Variants in SNX29 observed in about 807,000 individuals in gnomAD.
The protein encoded by SNX29 is sorting nexin 29, also known as sorting nexin-29.
In SNX29, 78 loss-of-function variants were observed where a neutral mutation model predicts 102.1. The ratio of observed to expected loss-of-function variants is 0.76; its 90% confidence interval spans 0.64 to 0.92. The LOEUF (loss-of-function observed/expected upper bound fraction) is 0.92. SNX29 is among the 40% of genes least tolerant of loss of function. The pLI is 0.00. For synonymous variants in SNX29, 580 were observed against 414.5 expected (o/e 1.40, Z -4.85); for missense variants, 1,280 against 1,061.7 (o/e 1.21, Z -2.86).
chr16:12,065,258 C>T (rs1194777906), intron 9 of SNX29, among the ~76,000 whole-genome samples: 3 of 152,150 alleles, frequency 2.0e-5, no homozygotes, highest in African/African-American at 7.2e-5. Context: ...TGCGTGGTTC[C>T]TCTGGGAGTA....
At chr16:12,349,838 C>A (rs1038568087) in intron 15 of SNX29, among the ~76,000 whole-genome samples, 2 of 152,076 alleles carry the variant, frequency 1.3e-5, no homozygotes, top group Non-Finnish European at 2.9e-5. Flanking sequence ...TTGCTTCAGA[C>A]ACAGCACTTA....
At chr16:12,126,274 C>T (rs1455744504) in intron 11 of SNX29, among the ~76,000 whole-genome samples, 2 of 152,322 alleles carry the variant, frequency 1.3e-5, no homozygotes, top group East Asian at 1.9e-4. Flanking sequence ...GTGCTGGGCA[C>T]CATTCCTAAG....
chr16:12,389,623 C>G (rs1044785697), intron 16 of SNX29, among the ~76,000 whole-genome samples: 3 of 152,092 alleles, frequency 2.0e-5, no homozygotes, highest in Non-Finnish European at 2.9e-5. Context: ...CATTTGTTCC[C>G]TGTTTTCTAA....
chr16:12,561,684 C>A (rs1434683154), intron 20 of SNX29, among the ~76,000 whole-genome samples: 2 of 152,206 alleles, frequency 1.3e-5, no homozygotes, highest in South Asian at 4.1e-4. Flanking sequence ...CACACACAGA[C>A]CCCCTTTTCC....
At chr16:12,111,982 A>G (rs925508641) in intron 11 of SNX29, among the ~76,000 whole-genome samples, 11 of 152,088 alleles carry the variant, frequency 7.2e-5, no homozygotes, top group Admixed American at 6.6e-5. Flanking sequence ...CCGCAGACAC[A>G]CCCACCCCGT....
chr16:12,126,531 T>C (rs1341508381), intron 11 of SNX29, 102 bp from the exon 12 acceptor site: 3 of 1,219,922 alleles, frequency 2.5e-6, no homozygotes, highest in Non-Finnish European at 3.5e-6. Context: ...AGGGAACTTA[T>C]CTAGACAAGT....
chr16:12,521,547 G>A (rs1458605926), intron 19 of SNX29, among the ~76,000 whole-genome samples: 1 of 152,178 alleles, frequency 6.6e-6, no homozygotes, highest in African/African-American at 2.4e-5. Flanking sequence ...TTGCTTTAGA[G>A]TGTTTTGAGC....
intron 16 of SNX29, among the ~76,000 whole-genome samples, chr16:12,370,405 C>G (rs1191188092): frequency 1.3e-5 from 2 of 151,812 alleles, no homozygotes; most frequent in African/African-American, 4.9e-5. Flanking sequence ...ACTAAAAATA[C>G]AAAAATTAGC....
intron 8 of SNX29, among the ~76,000 whole-genome samples, chr16:12,054,522 C>A (rs527610744): frequency 6.6e-6 from 1 of 152,332 alleles, no homozygotes; most frequent in South Asian, 2.1e-4. Flanking sequence ...CAAGTGAAGG[C>A]AGGGAGGGAT....
At chr16:12,567,392 T>G (rs1291590142) in intron 20 of SNX29, among the ~76,000 whole-genome samples, 1 of 152,220 alleles carries the variant, frequency 6.6e-6, no homozygotes, top group African/African-American at 2.4e-5. Context: ...AGTGAGGTAT[T>G]TACTTCCTAT....
intron 20 of SNX29, among the ~76,000 whole-genome samples, chr16:12,568,139 G>A (rs1466174896): frequency 1.3e-5 from 2 of 152,278 alleles, no homozygotes; most frequent in African/African-American, 4.8e-5. Context: ...CTCCAAAGTT[G>A]CCTTGGACTT....
intron 3 of SNX29, among the ~76,000 whole-genome samples, chr16:12,026,073 T>C (rs963115600): frequency 1.3e-5 from 2 of 152,212 alleles, no homozygotes; most frequent in Admixed American, 6.5e-5. Context: ...ATTGTTACCA[T>C]GGGTGTCGGG....
chr16:11,995,487 C>T (rs573259529), intron 1 of SNX29, among the ~76,000 whole-genome samples: 46 of 152,122 alleles, frequency 3.0e-4, no homozygotes, highest in Middle Eastern at 6.8e-3. Context: ...AAGTGTGAGC[C>T]TCTGGGTTGA....
At chr16:12,561,168 A>C (rs967714461) in intron 20 of SNX29, 19 of 229,932 alleles carry the variant, frequency 8.3e-5, no homozygotes, top group African/African-American at 4.2e-4. Context: ...TTCAAAGGCT[A>C]TTCAGCCTGG....
intron 15 of SNX29, among the ~76,000 whole-genome samples, chr16:12,287,743 G>T (rs1428465986): frequency 2.0e-5 from 3 of 152,180 alleles, no homozygotes; most frequent in African/African-American, 4.8e-5. Context: ...TCCCAGTAAG[G>T]TCCCCACCTC....
At chr16:12,267,645 C>A (rs1270031615) in intron 14 of SNX29, among the ~76,000 whole-genome samples, 1 of 152,144 alleles carries the variant, frequency 6.6e-6, no homozygotes, top group Non-Finnish European at 1.5e-5. Context: ...CCAGGGCTGT[C>A]CGGAAAGAGC....
chr16:12,127,927 A>G (rs559041364), intron 12 of SNX29, among the ~76,000 whole-genome samples: 2 of 152,104 alleles, frequency 1.3e-5, no homozygotes, highest in African/African-American at 4.8e-5. Flanking sequence ...GCATGATTCA[A>G]CTGCCTCCCT....
In SNX29 at chr16:12,569,128, G is replaced by T. The variant is rs865775386; in HGVS notation, c.*499G>T. 2,433 of 57,274 alleles carry T rather than the reference G, an allele frequency of 0.042. 25 individuals are homozygous for T. The highest frequency in any genetic ancestry group is 0.08 in the Middle Eastern group (11 of 138). 3.5% of individuals were successfully genotyped at this position (57,274 alleles called of 1,614,324 possible). A position where few individuals can be genotyped will look rare whatever the true frequency, so the allele number is the denominator to read the frequency against. On this transcript the variant is annotated 3_prime_UTR_variant, in exon 21 of 21. Coordinates refer to ENST00000566228, the MANE Select transcript of SNX29 (RefSeq NM_032167.5). ...CTAGGGATGGCTGGCTTTGCGGGGG[G>T]GGGGGGGGGGGGGGGCATGGTTCCT...
Position 12,027,332 on chromosome 16 carries a change from G to T in SNX29, c.135G>T (p.Leu45=). 6.2e-7 allele frequency: 1 copy of T among 1,613,842 alleles called. No homozygotes were observed. The change falls in exon 4 of 21, where the codon CTG becomes CTT. Residue 45 remains leucine, a synonymous_variant. Coordinates refer to ENST00000566228, the MANE Select transcript of SNX29 (RefSeq NM_032167.5). ...GGTTTTCTCACAGGGTCACCTGTCT[G>T]TGTGCCCAGTTTGAAGCCGTCCTGC... ...ASDSDSRVTC[L]CAQFEAVLQH...
Sources: allele counts gnomAD v4.1 joint callset (sites outside exome capture counted in the v4.1 genomes callset), GRCh38; gene constraint gnomAD v4.1.1; transcripts MANE v1.5; gene names NCBI Gene and HGNC (gene_info 2026-07-23, HGNC 2026-07-21).